IKZF3: variants seen among roughly 807,000 people sequenced by gnomAD.
IKZF3 encodes zinc finger protein Aiolos.
Under a neutral mutation model 49.0 loss-of-function variants are expected in IKZF3, and 10 were observed. The observed-to-expected ratio is 0.20, with a 90% confidence interval of 0.13 to 0.35. IKZF3 has a LOEUF of 0.35. Among genes scored for constraint, IKZF3 ranks in the 10% least tolerant of loss-of-function variants. The pLI is 1.00. For missense variants in IKZF3, 498 were observed against 664.8 expected (o/e 0.75, Z 2.76); for synonymous variants, 209 against 228.2 (o/e 0.92, Z 0.76).
intron 3 of IKZF3, among the ~76,000 whole-genome samples, chr17:39,828,297 T>C (rs996153482): frequency 6.6e-6 from 1 of 152,194 alleles, no homozygotes; most frequent in African/African-American, 2.4e-5. Context: ...GCCCACTAGT[T>C]CCGTACCTGT....
chr17:39,857,551 G>A (rs994465728), intron 1 of IKZF3, among the ~76,000 whole-genome samples: 4 of 152,024 alleles, frequency 2.6e-5, no homozygotes, highest in African/African-American at 7.2e-5. Context: ...TTTTGTGGGG[G>A]GCATGGATTA....
chr17:39,766,417 G>C lies in IKZF3; in HGVS notation c.903C>G (p.Thr301=), dbSNP rs1175773520. ...TATTGATGGCTTGGTCCATCATGCG[G>C]GTCTGTATGAGCTCACTCTCTTTCT... ...MYEKESELIQ[T]RMMDQAINNA... Residue 301 remains threonine (T), a synonymous_variant, in exon 8 of 8, where the codon ACC becomes ACG. Coordinates refer to ENST00000346872, the MANE Select transcript of IKZF3 (RefSeq NM_012481.5). The C allele has an allele frequency of 6.2e-7, 1 of 1,614,100 alleles. No individual in the cohort carries two copies. The highest frequency in any genetic ancestry group is 2.2e-5 in the East Asian group (1 of 44,886).
chr17:39,820,006 G>A (rs1451825049), intron 3 of IKZF3, among the ~76,000 whole-genome samples: 1 of 152,086 alleles, frequency 6.6e-6, no homozygotes, highest in African/African-American at 2.4e-5. Flanking sequence ...AGAAACTCAT[G>A]TATACACACA....
chr17:39,862,954 C>G (rs895592424), intron 1 of IKZF3, among the ~76,000 whole-genome samples: 1 of 152,070 alleles, frequency 6.6e-6, no homozygotes, highest in Non-Finnish European at 1.5e-5. Context: ...ATCCTTGATA[C>G]GTGGTATGGT....
rs1189555043 is a variant in IKZF3, at chr17:39,777,774, T to G, written c.710-7A>C. The G allele has an allele frequency of 6.2e-7, 1 of 1,608,016 alleles. No homozygotes were observed. The highest frequency in any genetic ancestry group is 2.2e-5 in the East Asian group (1 of 44,786). Reference sequence around the variant, plus strand: ...TGTCTTGCCTCCGCACTTGCTAGTTTGGAAAAATGTAAAAAGAAGAGAGAA... The same window carrying G: ...TGTCTTGCCTCCGCACTTGCTAGTTGGGAAAAATGTAAAAAGAAGAGAGAA... On this transcript the variant is annotated splice_polypyrimidine_tract_variant and splice_region_variant and intron_variant, in intron 6 of 7. Coordinates refer to ENST00000346872, the MANE Select transcript of IKZF3 (RefSeq NM_012481.5).
intron 3 of IKZF3, among the ~76,000 whole-genome samples, chr17:39,824,562 G>T (rs146117061): frequency 1.3e-5 from 2 of 152,248 alleles, no homozygotes; most frequent in East Asian, 1.9e-4. Flanking sequence ...ATCTTGAATT[G>T]TAACCCCCAT....
At chr17:39,807,305 C>T (rs1359004721) in intron 3 of IKZF3, among the ~76,000 whole-genome samples, 1 of 151,832 alleles carries the variant, frequency 6.6e-6, no homozygotes, top group Non-Finnish European at 1.5e-5. Context: ...AAGACTTGTA[C>T]ATAAATGTTC....
rs113448133 is a variant in IKZF3 at position 39,807,981 on chromosome 17, A to G, written c.164-15048T>C. Among the ~76,000 whole-genome samples, 976 of 152,300 alleles carry G rather than the reference A, an allele frequency of 6.4e-3. 10 individuals are homozygous for G. Among genetic ancestry groups the G allele is most frequent in the African/African-American group, 0.022 (903 of 41,568 alleles). On this transcript the variant is annotated intron_variant, in intron 3 of 7. Coordinates refer to ENST00000346872, the MANE Select transcript of IKZF3 (RefSeq NM_012481.5). Reference sequence around the variant, plus strand: ...TTGTACAGCTCTGTAAATTTACTAGAAAAGTCATTGAATTGAACATTTAAA... The same window carrying G: ...TTGTACAGCTCTGTAAATTTACTAGGAAAGTCATTGAATTGAACATTTAAA...
intron 6 of IKZF3, 48 bp downstream of exon 6, chr17:39,788,210 C>T: frequency 8.9e-7 from 1 of 1,126,054 alleles, no homozygotes. Flanking sequence ...TTGTATCTCA[C>T]CACCTAGGAC....
chr17:39,785,949 C>T (rs554799417), intron 6 of IKZF3, among the ~76,000 whole-genome samples: 35 of 152,098 alleles, frequency 2.3e-4, no homozygotes, highest in Non-Finnish European at 3.8e-4. Flanking sequence ...TAAAAGGAGC[C>T]GACACAAAAG....
intron 1 of IKZF3, among the ~76,000 whole-genome samples, chr17:39,851,042 TTA>T (rs2062858750): frequency 6.8e-6 from 1 of 147,084 alleles, no homozygotes; most frequent in South Asian, 2.1e-4. Context: ...CACGTATATA[TTA>T]TATATACTAT....
chr17:39,839,429 A>G, intron 1 of IKZF3: 1 of 594,344 alleles, frequency 1.7e-6, no homozygotes, highest in Admixed American at 2.1e-5. Flanking sequence ...TGATTTTATT[A>G]CCAGTTTTCA....
chr17:39,841,346 C>G (rs1187204348), intron 1 of IKZF3, among the ~76,000 whole-genome samples: 4 of 152,054 alleles, frequency 2.6e-5, no homozygotes, highest in Non-Finnish European at 5.9e-5. Context: ...TGGCAGCCCC[C>G]ACTAGAGGCT....
chr17:39,828,836 A>T (rs1211391657), intron 3 of IKZF3, among the ~76,000 whole-genome samples: 1 of 151,652 alleles, frequency 6.6e-6, no homozygotes, highest in East Asian at 1.9e-4. Flanking sequence ...CGTCTCTATT[A>T]AAAAAAATAC....
chr17:39,813,215 C>A (rs1052720593), intron 3 of IKZF3, among the ~76,000 whole-genome samples: 1 of 151,870 alleles, frequency 6.6e-6, no homozygotes, highest in Non-Finnish European at 1.5e-5. Context: ...TTTCTGTTAA[C>A]CATTGCAACT....
rs533003894 is a variant in IKZF3 at position 39,792,374 on chromosome 17, A to G, written c.424+299T>C. Among the ~76,000 whole-genome samples, 18 of 152,376 alleles carry G rather than the reference A, an allele frequency of 1.2e-4. No homozygotes were observed. The East Asian group carries it at 3.5e-3, about 29-fold the overall frequency. On this transcript the variant is annotated intron_variant, in intron 4 of 7. Transcript: ENST00000346872. The stretch of plus-strand genomic sequence containing the variant: ...TGCAAAAATATACAAAAGATGGCTA[A>G]GAAGCAAATCACACAATTCAACTCC...
At position 39,825,753 on chromosome 17, in the gene IKZF3, C is replaced by T. The variant is rs1163263617; in HGVS notation, c.163+3634G>A. ...TGAAATTGCTCTTATGATTGAAGGACAAAAAAATAATTTTAAAACCTAAAA... is the reference window on the plus strand; with the variant it reads ...TGAAATTGCTCTTATGATTGAAGGATAAAAAAATAATTTTAAAACCTAAAA... On this transcript the variant is annotated intron_variant, in intron 3 of 7. Coordinates refer to ENST00000346872, the MANE Select transcript of IKZF3 (RefSeq NM_012481.5). Among the ~76,000 whole-genome samples the T allele has an allele frequency of 2.6e-5, 4 of 152,078 alleles. No homozygotes were observed. In the East Asian group the frequency reaches 7.7e-4, roughly 29 times the overall value.
intron 1 of IKZF3, among the ~76,000 whole-genome samples, chr17:39,842,944 G>A (rs2062522308): frequency 6.6e-6 from 1 of 152,162 alleles, no homozygotes; most frequent in Non-Finnish European, 1.5e-5. Flanking sequence ...CATCACTTCT[G>A]TGATATTCCT....
chr17:39,832,606 T>C (rs2062144347), intron 1 of IKZF3, among the ~76,000 whole-genome samples: 1 of 151,948 alleles, frequency 6.6e-6, no homozygotes. Context: ...TGGAAGTCAC[T>C]ATGTTAAGTG....
Sources: gnomAD v4.1 joint callset for allele counts (sites outside exome capture counted in the v4.1 genomes callset) on GRCh38, gnomAD v4.1.1 for gene constraint, MANE v1.5 for transcripts, NCBI Gene and HGNC (gene_info 2026-07-23, HGNC 2026-07-21) for gene names.